The following CDC73 variants were observed in gnomAD, a reference collection of about 807,000 sequenced individuals.
CDC73 encodes the protein cell division cycle 73, also known as parafibromin.
In CDC73, 21 loss-of-function variants were observed where a neutral mutation model predicts 83.7. The observed-to-expected ratio is 0.25, with a 90% CI of 0.18 to 0.36. The LOEUF (loss-of-function observed/expected upper bound fraction) is 0.36. CDC73 is among the 10% of genes least tolerant of loss of function. CDC73 has a pLI of 1.00. For missense variants in CDC73, 342 were observed against 653.3 expected, an observed-to-expected ratio of 0.52 and a Z score of 5.19; for synonymous variants, 224 against 212.9, an observed-to-expected ratio of 1.05 and a Z score of -0.45.
chr1:193,202,613 C>CTTTTT (rs35435159), intron 10 of CDC73, among the ~76,000 whole-genome samples: 1 of 126,444 alleles, frequency 7.9e-6, no homozygotes, highest in Admixed American at 8.2e-5. Context: ...CCTCAGGTGT[C>CTTTTT]TTTTTTTTTT....
At chr1:193,143,780 T>C (rs904723674) in intron 7 of CDC73, among the ~76,000 whole-genome samples, 1 of 152,136 alleles carries the variant, frequency 6.6e-6, no homozygotes, top group African/African-American at 2.4e-5. Flanking sequence ...CAGGGCTTTC[T>C]TATTTTTTGA....
At chr1:193,239,267 T>C (rs17593414) in intron 15 of CDC73, among the ~76,000 whole-genome samples, 4,713 of 152,274 alleles carry the variant, frequency 0.031, 85 homozygotes, top group Non-Finnish European at 0.045. Context: ...AGCCAGAAAC[T>C]TGGGAGTATA....
At chr1:193,217,778 T>C (rs1379628097) in intron 13 of CDC73, among the ~76,000 whole-genome samples, 1 of 152,122 alleles carries the variant, frequency 6.6e-6, no homozygotes, top group African/African-American at 2.4e-5. Context: ...CGTAGGTTCA[T>C]GAGGGTGGAG....
intron 15 of CDC73, among the ~76,000 whole-genome samples, chr1:193,244,558 A>G (rs569387039): frequency 6.6e-6 from 1 of 152,310 alleles, no homozygotes; most frequent in South Asian, 2.1e-4. Flanking sequence ...AAACTGAACA[A>G]CCAACCAAAC....
rs531935322 is a variant in CDC73 at position 193,180,013 on chromosome 1, A to G, written c.973-23782A>G. ...TGCAGATACATTTTATTGGCCCCTA[A>G]CAGAAGACTTGAACCATTGATTTAT... On this transcript the variant is annotated intron_variant, in intron 10 of 16. Transcript: ENST00000367435. 1.7e-4 allele frequency: 41 copies of G among 235,936 alleles called. 1 individual carries two copies. The East Asian group carries it at 2.8e-3, about 16-fold the overall frequency. The allele number at this position is 235,936 out of a possible 1,614,324, so 14.6% of individuals were successfully genotyped here. A position where few individuals can be genotyped will look rare whatever the true frequency, so the allele number is the denominator to read the frequency against.
At chr1:193,164,907 T>G (rs1188126761) in intron 10 of CDC73, among the ~76,000 whole-genome samples, 1 of 152,208 alleles carries the variant, frequency 6.6e-6, no homozygotes, top group African/African-American at 2.4e-5. Flanking sequence ...AATGTAGATA[T>G]CCAAAGGATC....
At chr1:193,229,079 A>G (rs999725740) in intron 13 of CDC73, among the ~76,000 whole-genome samples, 1 of 152,210 alleles carries the variant, frequency 6.6e-6, no homozygotes, top group African/African-American at 2.4e-5. Flanking sequence ...TCACATACCC[A>G]TTAGAAAGAC....
chr1:193,228,691 CAAACTT>C (rs1399336610), intron 13 of CDC73, among the ~76,000 whole-genome samples: 1 of 152,008 alleles, frequency 6.6e-6, no homozygotes, highest in Non-Finnish European at 1.5e-5. Context: ...ATTGTACACA[CAAACTT>C]AAAAGCTGAA....
intron 15 of CDC73, 59 bp from the exon 16 acceptor site, chr1:193,249,670 AT>A (rs933324956): frequency 1.8e-5 from 25 of 1,377,912 alleles, no homozygotes; most frequent in South Asian, 1.5e-4. Context: ...GAATAAAGAA[AT>A]TTTTTTCTTT....
At chr1:193,219,040 G>A (rs1452407100) in intron 13 of CDC73, among the ~76,000 whole-genome samples, 1 of 151,992 alleles carries the variant, frequency 6.6e-6, no homozygotes, top group Non-Finnish European at 1.5e-5. Context: ...AATGTATAAG[G>A]ACCTTAAGCA....
At chr1:193,163,468 C>T (rs1393181078) in intron 10 of CDC73, among the ~76,000 whole-genome samples, 5 of 152,016 alleles carry the variant, frequency 3.3e-5, no homozygotes, top group Admixed American at 6.6e-5. Flanking sequence ...GATTGCGCCA[C>T]CACACTCCAG....
At chr1:193,211,876 A>G (rs1371732354) in intron 11 of CDC73, among the ~76,000 whole-genome samples, 189 bp from the exon 12 acceptor site, 1 of 152,208 alleles carries the variant, frequency 6.6e-6, no homozygotes, top group East Asian at 1.9e-4. Flanking sequence ...TTGACTACAG[A>G]TTGTTGAATA....
At chr1:193,250,611 A>T (rs1678029458) in intron 16 of CDC73, 65 bp from the exon 17 acceptor site, 1 of 1,125,036 alleles carries the variant, frequency 8.9e-7, no homozygotes, top group Middle Eastern at 2.0e-4. Context: ...TTGTTTTTAC[A>T]TGCATTATTC....
intron 10 of CDC73, among the ~76,000 whole-genome samples, chr1:193,157,166 T>G (rs1414236807): frequency 6.6e-6 from 1 of 152,122 alleles, no homozygotes; most frequent in African/African-American, 2.4e-5. Flanking sequence ...GTAAAAGCCC[T>G]GTGATGGGGA....
intron 10 of CDC73, among the ~76,000 whole-genome samples, chr1:193,194,186 G>A (rs1676964240): frequency 6.6e-6 from 1 of 152,120 alleles, no homozygotes. Flanking sequence ...GCACATTCAA[G>A]GTTGTACTAC....
chr1:193,191,781 T>G (rs894318472), intron 10 of CDC73, among the ~76,000 whole-genome samples: 10 of 152,186 alleles, frequency 6.6e-5, no homozygotes, highest in Admixed American at 4.6e-4. Flanking sequence ...GCATTTCATT[T>G]CAGGTAGTTA....
chr1:193,146,636 C>G (rs1204339859), intron 7 of CDC73, among the ~76,000 whole-genome samples: 1 of 152,156 alleles, frequency 6.6e-6, no homozygotes, highest in Non-Finnish European at 1.5e-5. Flanking sequence ...ACCTAATCAC[C>G]TCCTAAAGGC....
chr1:193,225,268 A>G (rs888384630), intron 13 of CDC73, among the ~76,000 whole-genome samples: 3 of 121,266 alleles, frequency 2.5e-5, no homozygotes, highest in South Asian at 2.9e-4. Flanking sequence ...ATATATATAT[A>G]TATATCCACA....
At chr1:193,128,910 CTGTT>C (rs1018977637) in intron 2 of CDC73, among the ~76,000 whole-genome samples, 41 of 151,754 alleles carry the variant, frequency 2.7e-4, no homozygotes, top group Admixed American at 1.8e-3. Context: ...TTTTCTTGCA[CTGTT>C]TGTTTGTGTT....
Sources: gnomAD v4.1 joint callset for allele counts (sites outside exome capture counted in the v4.1 genomes callset) on GRCh38, gnomAD v4.1.1 for gene constraint, MANE v1.5 for transcripts, NCBI Gene and HGNC (gene_info 2026-07-23, HGNC 2026-07-21) for gene names.